FPR1: variants seen among roughly 807,000 people sequenced by gnomAD.
FPR1 encodes the protein formyl peptide receptor 1, also known as N-formyl peptide receptor 1.
For missense variants in FPR1, 407 were observed against 453.0 expected, an observed-to-expected ratio of 0.90 and a Z score of 0.92; for synonymous variants, 193 against 176.7, an observed-to-expected ratio of 1.09 and a Z score of -0.73.
In FPR1 at chr19:51,746,318, G is replaced by A; in HGVS notation, c.677C>T (p.Thr226Ile). 6.2e-7 allele frequency: 1 copy of A among 1,614,142 alleles called. No individual in the cohort carries two copies. Among genetic ancestry groups the A allele is most frequent in the Non-Finnish European group, 8.5e-7 (1 of 1,180,034 alleles). ...IVAVSYGLIA[T>I]KIHKQGLIKS... is the part of the protein sequence containing the mutation. Reference sequence around the variant, plus strand: ...AATCAAGCCTTGCTTGTGGATCTTGGTGGCAATAAGCCCATAACTGACAGC... The same window carrying A: ...AATCAAGCCTTGCTTGTGGATCTTGATGGCAATAAGCCCATAACTGACAGC... The change falls in exon 2 of 2, where the codon ACC becomes ATC. Residue 226 changes from threonine to isoleucine, a missense_variant. By Grantham distance (89) the Thr-to-Ile change is moderately conservative. Coordinates refer to ENST00000304748, the MANE Select transcript of FPR1 (RefSeq NM_002029.4). The surrounding 1 kb of genome is among the most constrained non-coding windows in gnomAD (Gnocchi z 4.3).
At chr19:51,750,824 T>C (rs930045222) in intron 1 of FPR1, 1 of 152,190 alleles carries the variant, frequency 6.6e-6, no homozygotes, top group African/African-American at 2.4e-5. Flanking sequence ...AAACTCAGCA[T>C]TGATTATACA....
intron 1 of FPR1, among the ~76,000 whole-genome samples, chr19:51,747,877 G>T (rs879566871): frequency 6.6e-6 from 1 of 152,104 alleles, no homozygotes; most frequent in South Asian, 2.1e-4. Context: ...GGTGGTTCAC[G>T]CCTGTCATCT....
rs778758034 is a variant in FPR1, at chr19:51,746,062, C to T, written c.933G>A (p.Arg311=). The change falls in exon 2 of 2, where the codon AGG becomes AGA. Residue 311 remains arginine (R), a synonymous_variant. Coordinates refer to ENST00000304748, the MANE Select transcript of FPR1 (RefSeq NM_002029.4). The surrounding 1 kb of genome is among the most constrained non-coding windows in gnomAD (Gnocchi z 4.3). ...GACTGGCGGGAAGGGCGTGGATCAG[C>T]CTCTCCCGGAAGTCCTGGCCCATGA... The part of the protein sequence containing the change: ...YVFMGQDFRE[R]LIHALPASLE... The T allele has an allele frequency of 1.2e-6, 2 of 1,614,168 alleles. No homozygotes were observed. Among genetic ancestry groups the T allele is most frequent in the Non-Finnish European group, 1.7e-6 (2 of 1,180,032 alleles).
chr19:51,749,907 G>A (rs1460673819), intron 1 of FPR1, among the ~76,000 whole-genome samples: 2 of 152,110 alleles, frequency 1.3e-5, no homozygotes, highest in Admixed American at 6.5e-5. Flanking sequence ...TTGAGCTCAG[G>A]CAGTCCACCT....
intron 1 of FPR1, among the ~76,000 whole-genome samples, chr19:51,748,949 G>C (rs1042031303): frequency 1.3e-5 from 2 of 152,008 alleles, no homozygotes; most frequent in Admixed American, 6.6e-5. Context: ...AGGCGCAGTG[G>C]CTCACGCCTG....
chr19:51,748,734 T>C (rs2083762967), intron 1 of FPR1, among the ~76,000 whole-genome samples: 1 of 152,194 alleles, frequency 6.6e-6, no homozygotes, highest in Non-Finnish European at 1.5e-5. Flanking sequence ...GTGCTGAGAT[T>C]ATAGGCGTGA....
At chr19:51,751,329 T>C (rs1159923342) in intron 1 of FPR1, among the ~76,000 whole-genome samples, 5 of 152,182 alleles carry the variant, frequency 3.3e-5, no homozygotes, top group African/African-American at 1.2e-4. Flanking sequence ...GTCTCTATAT[T>C]CCATCATTCC....
Position 51,747,136 on chromosome 19 carries a change from C to A in FPR1, c.-11-131G>T, listed in dbSNP as rs141827858. On this transcript the variant is annotated intron_variant, in intron 1 of 1. Coordinates refer to ENST00000304748, the MANE Select transcript of FPR1 (RefSeq NM_002029.4). ...CTTCCCCTAGAGCTCCCACAACAGC[C>A]GGAACATCCTCACCACTGTCCCTTA... 5.6e-4 allele frequency: 365 copies of A among 650,772 alleles called. No individual in the cohort carries two copies. In the African/African-American group the frequency reaches 6.1e-3, roughly 11 times the overall value. The allele number at this position is 650,772 out of a possible 1,614,324, so 40.3% of individuals were successfully genotyped here.
Position 51,746,887 on chromosome 19 carries a change from G to C in FPR1, c.108C>G (p.Thr36=), listed in dbSNP as rs1305952795. ...DIITYLVFAV[T]FVLGVLGNGL... ...CGTTGCCCAGGACCCCGAGGACAAA[G>C]GTGACTGCAAATACCAGATAAGTGA... Residue 36 remains threonine (T), a synonymous_variant, in exon 2 of 2, where the codon ACC becomes ACG. Coordinates refer to ENST00000304748, the MANE Select transcript of FPR1 (RefSeq NM_002029.4). The surrounding 1 kb of genome is among the most constrained non-coding windows in gnomAD (Gnocchi z 4.3). The C allele has an allele frequency of 1.2e-6, 2 of 1,613,992 alleles. No individual in the cohort carries two copies. The highest frequency in any genetic ancestry group is 2.7e-5 in the African/African-American group (2 of 74,888).
At chr19:51,747,583 T>C (rs1443740663) in intron 1 of FPR1, among the ~76,000 whole-genome samples, 1 of 152,112 alleles carries the variant, frequency 6.6e-6, no homozygotes, top group East Asian at 1.9e-4. Flanking sequence ...GGAGATTAAA[T>C]GGCTAAGGAA....
chr19:51,746,423 A>G lies in FPR1; in HGVS notation c.572T>C (p.Ile191Thr). The G allele has an allele frequency of 1.2e-6, 2 of 1,614,156 alleles. No individual in the cohort carries two copies. The highest frequency in any genetic ancestry group is 1.7e-5 in the Admixed American group (1 of 60,016). ...SPWTNDPKER[I>T]NVAVAMLTVR... ...CGTCAACATGGCAACGGCCACATTTATCCTCTCTTTAGGGTCGTTGGTCCA... is the reference window on the plus strand; with the variant it reads ...CGTCAACATGGCAACGGCCACATTTGTCCTCTCTTTAGGGTCGTTGGTCCA... Residue 191 changes from isoleucine (I) to threonine (T), a missense_variant, in exon 2 of 2, where the codon ATA becomes ACA. By Grantham distance (89) the Ile-to-Thr change is moderately conservative. Coordinates refer to ENST00000304748, the MANE Select transcript of FPR1 (RefSeq NM_002029.4). The surrounding 1 kb of genome is among the most constrained non-coding windows in gnomAD (Gnocchi z 4.3).
intron 1 of FPR1, among the ~76,000 whole-genome samples, chr19:51,748,873 G>T (rs1419113501): frequency 1.3e-5 from 2 of 152,082 alleles, no homozygotes; most frequent in Admixed American, 1.3e-4. Context: ...TCACACAAAC[G>T]TGGACTAAGA....
intron 1 of FPR1, 63 bp from the exon 2 acceptor site, chr19:51,747,068 T>A: frequency 8.1e-7 from 1 of 1,237,268 alleles, no homozygotes; most frequent in Non-Finnish European, 1.1e-6. Flanking sequence ...CCCCACCCCC[T>A]CATTTCTGCC....
At position 51,745,891 on chromosome 19, in the gene FPR1, G is replaced by A. The variant is rs746295140; in HGVS notation, c.*51C>T. 6.7e-6 allele frequency: 10 copies of A among 1,487,532 alleles called. No homozygotes were observed. The South Asian group carries it at 1.2e-4, about 18-fold the overall frequency. 92.1% of individuals were successfully genotyped at this position (1,487,532 alleles called of 1,614,324 possible). A position where few individuals can be genotyped will look rare whatever the true frequency, so the allele number is the denominator to read the frequency against. ...ATGCCTGTGGCTCAGCCTAACTCAAGGTGAGACGAAGCTGGAGCTGGGAGC... is the reference window on the plus strand; with the variant it reads ...ATGCCTGTGGCTCAGCCTAACTCAAAGTGAGACGAAGCTGGAGCTGGGAGC... On this transcript the variant is annotated 3_prime_UTR_variant, in exon 2 of 2. Coordinates refer to ENST00000304748, the MANE Select transcript of FPR1 (RefSeq NM_002029.4).
intron 1 of FPR1, 51 bp downstream of exon 1, chr19:51,751,763 A>G (rs2083782696): frequency 6.6e-6 from 1 of 152,256 alleles, no homozygotes; most frequent in Admixed American, 6.5e-5. Flanking sequence ...TCACCAGTGT[A>G]TTAAGTGTGT....
In FPR1 at chr19:51,746,194, T is replaced by A; in HGVS notation, c.801A>T (p.Arg267Ser). The A allele has an allele frequency of 6.2e-7, 1 of 1,614,100 alleles. No individual in the cohort carries two copies. Among genetic ancestry groups the A allele is most frequent in the Non-Finnish European group, 8.5e-7 (1 of 1,180,020 alleles). The change falls in exon 2 of 2, where the codon AGA becomes AGT. Residue 267 changes from arginine to serine, a missense_variant. Arg to Ser is a moderately radical substitution (Grantham distance 110). Coordinates refer to ENST00000304748, the MANE Select transcript of FPR1 (RefSeq NM_002029.4). This position sits in a 1 kb window ranked among gnomAD's most constrained non-coding sequence, Gnocchi z 4.3. ...YQVVALIATV[R>S]IRELLQGMYK... ...ACATGCCTTGCAATAACTCACGGAT[T>A]CTGACTGTGGCTATAAGGGCCACCA... is the stretch of plus-strand genomic sequence containing the variant.
At chr19:51,747,662 C>A (rs1319766720) in intron 1 of FPR1, among the ~76,000 whole-genome samples, 1 of 152,082 alleles carries the variant, frequency 6.6e-6, no homozygotes, top group Non-Finnish European at 1.5e-5. Context: ...TGTATTCAAA[C>A]AAAAATGTTC....
chr19:51,747,323 C>T (rs2083754947), intron 1 of FPR1, among the ~76,000 whole-genome samples: 1 of 151,532 alleles, frequency 6.6e-6, no homozygotes. Flanking sequence ...TCAAGCAATT[C>T]CCCTGCCTCA....
Position 51,746,315 on chromosome 19 carries a change from T to G in FPR1, c.680A>C (p.Lys227Thr). 5 of 1,614,172 alleles carry G rather than the reference T, an allele frequency of 3.1e-6. No homozygotes were observed. The highest frequency in any genetic ancestry group is 3.4e-6 in the Non-Finnish European group (4 of 1,180,038). ...VAVSYGLIATKIHKQGLIKSS... is the reference protein window; with the variant it reads ...VAVSYGLIATTIHKQGLIKSS... The stretch of plus-strand genomic sequence containing the variant: ...CTTAATCAAGCCTTGCTTGTGGATC[T>G]TGGTGGCAATAAGCCCATAACTGAC... Residue 227 changes from lysine to threonine, a missense_variant, in exon 2 of 2, where the codon AAG becomes ACG. Transcript: ENST00000304748. The surrounding 1 kb of genome is among the most constrained non-coding windows in gnomAD (Gnocchi z 4.3).
Sources: allele counts gnomAD v4.1 joint callset (sites outside exome capture counted in the v4.1 genomes callset), GRCh38; gene constraint gnomAD v4.1.1; non-coding constraint Gnocchi (gnomAD v3.1); transcripts MANE v1.5; gene names NCBI Gene and HGNC (gene_info 2026-07-23, HGNC 2026-07-21).